CHCHD3: variants seen among roughly 807,000 people sequenced by gnomAD.
The protein encoded by CHCHD3 is coiled-coil-helix-coiled-coil-helix domain containing 3, also known as MICOS complex subunit MIC19.
In CHCHD3, 20 loss-of-function variants were observed where a neutral mutation model predicts 38.2. The ratio of observed to expected loss-of-function variants is 0.52; its 90% CI spans 0.37 to 0.76. CHCHD3 has a LOEUF of 0.76. CHCHD3 is among the 30% of genes least tolerant of loss of function. CHCHD3 has a pLI of 0.00. For missense variants in CHCHD3, 245 were observed against 279.2 expected (o/e 0.88, Z 0.87); for synonymous variants, 82 against 100.0 (o/e 0.82, Z 1.07).
chr7:132,889,736 T>C (rs1056271489), intron 4 of CHCHD3, among the ~76,000 whole-genome samples: 1 of 152,158 alleles, frequency 6.6e-6, no homozygotes, highest in Non-Finnish European at 1.5e-5. Context: ...ACAGTTAATA[T>C]GATGCTAGGA....
intron 2 of CHCHD3, among the ~76,000 whole-genome samples, chr7:133,029,066 A>G (rs970733851): frequency 2.0e-5 from 3 of 152,138 alleles, no homozygotes; most frequent in Non-Finnish European, 4.4e-5. Context: ...AACATTAAGT[A>G]ACAAATTTCT....
At chr7:133,007,755 C>T (rs2117403915) in intron 3 of CHCHD3, among the ~76,000 whole-genome samples, 1 of 152,282 alleles carries the variant, frequency 6.6e-6, no homozygotes, top group Middle Eastern at 3.4e-3. Flanking sequence ...AATTTACTTG[C>T]CCTTTGAAAA....
chr7:132,854,689 T>G lies in CHCHD3; in HGVS notation c.454-16220A>C, dbSNP rs570581273. Among the ~76,000 whole-genome samples the G allele has an allele frequency of 7.9e-5, 12 of 152,276 alleles. 1 individual carries two copies. In the East Asian group the frequency reaches 2.3e-3, roughly 29 times the overall value. On this transcript the variant is annotated intron_variant, in intron 5 of 7. Coordinates refer to ENST00000262570, the MANE Select transcript of CHCHD3 (RefSeq NM_017812.4). ...CATTTGTTAAGTGGGTCAATGTCCATTTTTTATTCACTCAAGTATTTACTG... is the reference window on the plus strand; with the variant it reads ...CATTTGTTAAGTGGGTCAATGTCCAGTTTTTATTCACTCAAGTATTTACTG...
intron 4 of CHCHD3, among the ~76,000 whole-genome samples, chr7:132,917,858 C>CAAAAA (rs33977058): frequency 7.3e-4 from 68 of 92,874 alleles, no homozygotes; most frequent in African/African-American, 2.0e-3. Flanking sequence ...GACTCCATCT[C>CAAAAA]AAAAAAAAAA....
intron 5 of CHCHD3, among the ~76,000 whole-genome samples, chr7:132,861,316 G>A (rs1252771053): frequency 1.3e-5 from 2 of 152,102 alleles, no homozygotes; most frequent in African/African-American, 4.8e-5. Flanking sequence ...CTTCCTAAGT[G>A]TTTCGTCGTT....
chr7:132,966,869 T>C (rs1811477929), intron 4 of CHCHD3, among the ~76,000 whole-genome samples: 2 of 152,256 alleles, frequency 1.3e-5, no homozygotes, highest in Admixed American at 6.5e-5. Flanking sequence ...GCTGTATTTC[T>C]TAGCCTCTTT....
intron 6 of CHCHD3, among the ~76,000 whole-genome samples, chr7:132,821,778 C>T (rs1281376616): frequency 9.4e-6 from 1 of 106,666 alleles, no homozygotes; most frequent in African/African-American, 4.3e-5. Context: ...TTTTTTGAGA[C>T]GGAGTCTCGC....
chr7:132,882,482 TA>T (rs1809090030), intron 5 of CHCHD3, among the ~76,000 whole-genome samples: 1 of 86,984 alleles, frequency 1.1e-5, no homozygotes, highest in Non-Finnish European at 2.6e-5. Flanking sequence ...TATATATATA[TA>T]TATATATATA....
chr7:133,002,008 T>C (rs1812587652), intron 3 of CHCHD3, among the ~76,000 whole-genome samples: 1 of 152,144 alleles, frequency 6.6e-6, no homozygotes, highest in African/African-American at 2.4e-5. Flanking sequence ...AGAGTTATCA[T>C]TGTCCTCCAC....
At chr7:132,973,170 G>A in intron 4 of CHCHD3, 1 of 985,350 alleles carries the variant, frequency 1.0e-6, no homozygotes, top group Non-Finnish European at 1.2e-6. Flanking sequence ...GGCAAAAAGA[G>A]GTGGAGAAAG....
intron 3 of CHCHD3, among the ~76,000 whole-genome samples, chr7:132,984,895 A>G: frequency 3.3e-5 from 3 of 89,594 alleles, no homozygotes; most frequent in Non-Finnish European, 4.7e-5. Flanking sequence ...TCCGGGAGGG[A>G]GGTGGGGGGG....
At chr7:133,061,785 T>C (rs1169152432) in intron 2 of CHCHD3, among the ~76,000 whole-genome samples, 1 of 152,232 alleles carries the variant, frequency 6.6e-6, no homozygotes, top group African/African-American at 2.4e-5. Context: ...GCAGGGCATA[T>C]AGAACCAGAA....
At chr7:133,031,499 AT>A (rs141324619) in intron 2 of CHCHD3, among the ~76,000 whole-genome samples, 7,873 of 149,088 alleles carry the variant, frequency 0.053, 251 homozygotes, top group Middle Eastern at 0.069. Flanking sequence ...CTTTTACTTC[AT>A]TTTTTTTTTG....
intron 3 of CHCHD3, among the ~76,000 whole-genome samples, chr7:132,992,655 T>C (rs1289524330): frequency 6.6e-6 from 1 of 152,180 alleles, no homozygotes; most frequent in Non-Finnish European, 1.5e-5. Context: ...ATGTTATTAT[T>C]TTAGATATAC....
chr7:132,850,612 G>A (rs1193519634), intron 5 of CHCHD3, among the ~76,000 whole-genome samples: 2 of 151,960 alleles, frequency 1.3e-5, no homozygotes, highest in Non-Finnish European at 2.9e-5. Flanking sequence ...AACTCATTTG[G>A]CATTCTAAGT....
chr7:132,796,540 C>CTTTTATAGACCATAG lies in CHCHD3; in HGVS notation c.561_562insCTATGGTCTATAAAA (p.Gln187_Ala188insLeuTrpSerIleLys). The CTTTTATAGACCATAG allele has an allele frequency of 6.2e-7, 1 of 1,613,854 alleles. No homozygotes were observed. Among genetic ancestry groups the CTTTTATAGACCATAG allele is most frequent in the South Asian group, 1.1e-5 (1 of 91,068 alleles). On this transcript the variant is annotated inframe_insertion, in exon 7 of 8. Transcript: ENST00000262570. Reference sequence around the variant, plus strand: ...TCACGGTAACACTGAAGAATTTTGGCCTGCAGATCAGCACAGACTGGATGA... The same window carrying CTTTTATAGACCATAG: ...TCACGGTAACACTGAAGAATTTTGGCTTTTATAGACCATAGCTGCAGATCAGCACAGACTGGATGA...
At chr7:133,044,366 C>G (rs1813916823) in intron 2 of CHCHD3, among the ~76,000 whole-genome samples, 1 of 152,138 alleles carries the variant, frequency 6.6e-6, no homozygotes. Flanking sequence ...AAAATACAAA[C>G]CTAGGCAGAC....
chr7:133,050,028 T>C (rs1391192113), intron 2 of CHCHD3, among the ~76,000 whole-genome samples: 1 of 152,036 alleles, frequency 6.6e-6, no homozygotes. Context: ...CTATGTGAGA[T>C]CAAGAAGGCA....
intron 5 of CHCHD3, among the ~76,000 whole-genome samples, chr7:132,862,084 G>T (rs1808507509): frequency 6.6e-6 from 1 of 151,352 alleles, no homozygotes; most frequent in Admixed American, 6.6e-5. Context: ...ATGGATGGAT[G>T]GATGGATGGA....
Sources: gnomAD v4.1 joint callset for allele counts (sites outside exome capture counted in the v4.1 genomes callset) on GRCh38, gnomAD v4.1.1 for gene constraint, MANE v1.5 for transcripts, NCBI Gene and HGNC (gene_info 2026-07-23, HGNC 2026-07-21) for gene names.